RYR2: variants seen among roughly 807,000 people sequenced by gnomAD.
RYR2 encodes the protein cardiac muscle ryanodine receptor-calcium release channel.
RYR2 carries 227 observed loss-of-function variants against 601.1 expected under a neutral mutation model. The observed-to-expected ratio is 0.38, with a 90% confidence interval of 0.34 to 0.42. RYR2 has a LOEUF of 0.42. RYR2 is among the 10% of genes least tolerant of loss of function. RYR2 has a pLI of 1.00. For missense variants in RYR2, 4,646 were observed against 6,156.5 expected (o/e 0.75, Z 8.21); for synonymous variants, 2,223 against 2,175.1 (o/e 1.02, Z -0.61).
At position 237,417,035 on chromosome 1, in the gene RYR2, G is replaced by A. The variant is rs370114411; in HGVS notation, c.774-14G>A. The A allele has an allele frequency of 1.2e-6, 2 of 1,612,906 alleles. No homozygotes were observed. The highest frequency in any genetic ancestry group is 1.7e-6 in the Non-Finnish European group (2 of 1,179,054). On this transcript the variant is annotated splice_polypyrimidine_tract_variant and intron_variant, in intron 10 of 104. Coordinates refer to ENST00000366574, the MANE Select transcript of RYR2 (RefSeq NM_001035.3). Reference sequence around the variant, plus strand: ...TTAACTCACATTTGGGCTTTTGTTTGTTTGTTGAAACAGAACTGTTCATTA... The same window carrying A: ...TTAACTCACATTTGGGCTTTTGTTTATTTGTTGAAACAGAACTGTTCATTA...
In RYR2 at chr1:237,707,073, G is replaced by A. The variant is rs1009977437; in HGVS notation, c.9705G>A (p.Met3235Ile). ...GCTACACTCAAATGCCACATGTCATGGAAGTCATACTGCCCATGCTTTGCA... is the reference window on the plus strand; with the variant it reads ...GCTACACTCAAATGCCACATGTCATAGAAGTCATACTGCCCATGCTTTGCA... ...GIRYTQMPHV[M>I]EVILPMLCSY... is the part of the protein sequence containing the mutation. Residue 3235 changes from methionine to isoleucine, a missense_variant, in exon 68 of 105, where the codon ATG (methionine) becomes ATA (isoleucine). Met to Ile is a conservative substitution (Grantham distance 10, BLOSUM62 1). Transcript: ENST00000366574. 4.3e-6 allele frequency: 7 copies of A among 1,613,918 alleles called. No homozygotes were observed. Among genetic ancestry groups the A allele is most frequent in the Admixed American group, 1.7e-5 (1 of 60,010 alleles).
chr1:237,256,779 G>A (rs1384775713), intron 1 of RYR2, among the ~76,000 whole-genome samples: 2 of 152,166 alleles, frequency 1.3e-5, no homozygotes, highest in South Asian at 2.1e-4. Context: ...AAAATGCAAA[G>A]TGAGAACGGT....
At chr1:237,232,407 A>G (rs1207966033) in intron 1 of RYR2, among the ~76,000 whole-genome samples, 2 of 152,208 alleles carry the variant, frequency 1.3e-5, no homozygotes, top group African/African-American at 2.4e-5. Flanking sequence ...ATGGCTGAAC[A>G]TGGGGGAGTG....
chr1:237,792,868 T>G (rs1658633567), intron 94 of RYR2, among the ~76,000 whole-genome samples: 1 of 152,208 alleles, frequency 6.6e-6, no homozygotes, highest in African/African-American at 2.4e-5. Flanking sequence ...TGGGAGTCAT[T>G]TTATTGTTTT....
intron 29 of RYR2, among the ~76,000 whole-genome samples, chr1:237,587,375 A>T (rs1315032832): frequency 6.6e-6 from 1 of 152,176 alleles, no homozygotes; most frequent in Non-Finnish European, 1.5e-5. Flanking sequence ...TAAAATTTTA[A>T]AAATGAAAGC....
rs573162973 is a variant in RYR2 at position 237,504,918 on chromosome 1, C to T, written c.2613+1413C>T. 1.9e-3 allele frequency among the ~76,000 whole-genome samples: 284 copies of T among 152,138 alleles called. 2 individuals are homozygous for T. Among genetic ancestry groups the T allele is most frequent in the African/African-American group, 6.4e-3 (264 of 41,470 alleles). ...ATTAGTTAGAGTCTCATAAGGAGTG[C>T]GCAGTTCACAATAGGGTTCACACTC... is the stretch of plus-strand genomic sequence containing the variant. On this transcript the variant is annotated intron_variant, in intron 22 of 104. Coordinates refer to ENST00000366574, the MANE Select transcript of RYR2 (RefSeq NM_001035.3).
In RYR2 at chr1:237,324,756, C is replaced by T. The variant is rs558418614; in HGVS notation, c.169-6122C>T. Among the ~76,000 whole-genome samples the T allele has an allele frequency of 9.9e-5, 15 of 152,240 alleles. 2 individuals are homozygous for T. The highest frequency in any genetic ancestry group is 5.8e-4 in the East Asian group (3 of 5,174). On this transcript the variant is annotated intron_variant, in intron 2 of 104. Transcript: ENST00000366574. ...AGATCTGAATTCCATGTTCCTGGTACGGGGATTTACTGCTGTCAAACTGTC... is the reference window on the plus strand; with the variant it reads ...AGATCTGAATTCCATGTTCCTGGTATGGGGATTTACTGCTGTCAAACTGTC...
chr1:237,090,571 T>C (rs954650033), intron 1 of RYR2, among the ~76,000 whole-genome samples: 2 of 152,220 alleles, frequency 1.3e-5, no homozygotes, highest in African/African-American at 4.8e-5. Context: ...TCCAGAACTA[T>C]AAAATAAATT....
chr1:237,054,108 A>G (rs1661635911), intron 1 of RYR2, among the ~76,000 whole-genome samples: 1 of 152,156 alleles, frequency 6.6e-6, no homozygotes. Flanking sequence ...TTAATGAGTA[A>G]GTGATGTTGC....
At position 237,606,991 on chromosome 1, in the gene RYR2, T is replaced by G. The variant is rs528205168; in HGVS notation, c.4684-3771T>G. Among the ~76,000 whole-genome samples the G allele has an allele frequency of 1.2e-3, 186 of 152,328 alleles. 1 individual carries two copies. The highest frequency in any genetic ancestry group is 2.3e-3 in the Non-Finnish European group (154 of 68,026). Reference sequence around the variant, plus strand: ...ACTGTTGGTGGGACTGTAAACTAGTTCAACCATTGTGGAAGACAGTGTGGC... The same window carrying G: ...ACTGTTGGTGGGACTGTAAACTAGTGCAACCATTGTGGAAGACAGTGTGGC... On this transcript the variant is annotated intron_variant, in intron 35 of 104. Transcript: ENST00000366574.
At chr1:237,307,204 T>C (rs1251414812) in intron 2 of RYR2, among the ~76,000 whole-genome samples, 1 of 152,186 alleles carries the variant, frequency 6.6e-6, no homozygotes, top group Non-Finnish European at 1.5e-5. Context: ...GCATTGCACA[T>C]ACGTTTTTTC....
chr1:237,798,285 T>G (rs558663316), intron 97 of RYR2, 115 bp downstream of exon 97: 11 of 926,294 alleles, frequency 1.2e-5, no homozygotes, highest in Non-Finnish European at 1.6e-5. Flanking sequence ...AATAGATAGA[T>G]GAGGAAAACA....
At chr1:237,439,016 T>TATAG (rs1274783450) in intron 12 of RYR2, among the ~76,000 whole-genome samples, 2 of 152,236 alleles carry the variant, frequency 1.3e-5, no homozygotes, top group African/African-American at 4.8e-5. Context: ...AGGCCATTAA[T>TATAG]ATAGATATGG....
intron 3 of RYR2, among the ~76,000 whole-genome samples, chr1:237,332,768 ATCT>A (rs1230279398): frequency 2.0e-5 from 3 of 152,192 alleles, no homozygotes; most frequent in Admixed American, 2.0e-4. Flanking sequence ...AAGATCTTTT[ATCT>A]TCTTCAAATC....
intron 80 of RYR2, among the ~76,000 whole-genome samples, chr1:237,746,795 C>T (rs530194240): frequency 3.3e-5 from 5 of 151,954 alleles, no homozygotes; most frequent in Admixed American, 1.3e-4. Flanking sequence ...TACCAGTTAC[C>T]TGAAAAAAAT....
intron 36 of RYR2, among the ~76,000 whole-genome samples, chr1:237,611,983 G>A (rs1677921382): frequency 6.6e-6 from 1 of 152,072 alleles, no homozygotes; most frequent in Non-Finnish European, 1.5e-5. Flanking sequence ...AATATTCATA[G>A]AAGCATTATG....
intron 93 of RYR2, 113 bp downstream of exon 93, chr1:237,791,628 A>G (rs1489447771): frequency 1.6e-6 from 1 of 640,496 alleles, no homozygotes; most frequent in African/African-American, 1.8e-5. Flanking sequence ...TAAACCTATT[A>G]TGAAATACTG....
intron 76 of RYR2, among the ~76,000 whole-genome samples, chr1:237,728,831 C>T (rs890419742): frequency 6.6e-6 from 1 of 151,858 alleles, no homozygotes; most frequent in Admixed American, 6.6e-5. Flanking sequence ...ATACCTAATG[C>T]ATATGGGGCT....
In RYR2 at chr1:237,119,422, G is replaced by C. The variant is rs575542549; in HGVS notation, c.48+76853G>C. On this transcript the variant is annotated intron_variant, in intron 1 of 104. Transcript: ENST00000366574. ...TTGGGAAAACTGCATGTGTGTGTGT[G>C]CATGTGTGTGCGTGTGTGTGCGTAT... 2.3e-4 allele frequency among the ~76,000 whole-genome samples: 35 copies of C among 152,282 alleles called. 1 individual carries two copies. Among genetic ancestry groups the C allele is most frequent in the African/African-American group, 8.4e-4 (35 of 41,560 alleles).
Sources: allele counts gnomAD v4.1 joint callset (sites outside exome capture counted in the v4.1 genomes callset), GRCh38; gene constraint gnomAD v4.1.1; transcripts MANE v1.5; gene names NCBI Gene and HGNC (gene_info 2026-07-23, HGNC 2026-07-21).